The following PLCB1 variants were observed in gnomAD, a reference collection of about 807,000 sequenced individuals.
PLCB1 encodes the protein phospholipase C beta 1.
A neutral mutation model predicts 161.8 loss-of-function variants in PLCB1; 46 were observed. That is an observed-to-expected ratio of 0.28 (90% confidence interval 0.22 to 0.36). The LOEUF (loss-of-function observed/expected upper bound fraction) is 0.36. PLCB1 is among the 10% of genes least tolerant of loss of function. PLCB1 has a pLI of 1.00. For missense variants in PLCB1, 1,016 were observed against 1,472.5 expected, an observed-to-expected ratio of 0.69 and a Z score of 5.07; for synonymous variants, 517 against 503.7, an observed-to-expected ratio of 1.03 and a Z score of -0.35.
chr20:8,132,842 T>C lies in PLCB1; in HGVS notation c.99+92T>C. On this transcript the variant is annotated intron_variant, in intron 1 of 31. Transcript: ENST00000338037. This position sits in a 1 kb window ranked among gnomAD's most constrained non-coding sequence, Gnocchi z 5.2. ...GTGGGGCAAGGGGCGCGTTATGCAA[T>C]GGGCGCACTGGGAGCGGGCAGGGGC... 3.6e-6 allele frequency: 3 copies of C among 825,464 alleles called. No individual in the cohort carries two copies. Among genetic ancestry groups the C allele is most frequent in the Non-Finnish European group, 6.0e-6 (3 of 502,494 alleles). 51.1% of individuals were successfully genotyped at this position (825,464 alleles called of 1,614,324 possible).
chr20:8,858,113 G>C (rs1295186294), intron 31 of PLCB1, among the ~76,000 whole-genome samples: 1 of 151,884 alleles, frequency 6.6e-6, no homozygotes, highest in Non-Finnish European at 1.5e-5. Flanking sequence ...TTTATTGTTA[G>C]CTTTACTTGA....
intron 9 of PLCB1, among the ~76,000 whole-genome samples, chr20:8,680,958 G>T (rs567915777): frequency 6.7e-6 from 1 of 149,962 alleles, no homozygotes; most frequent in Non-Finnish European, 1.5e-5. Context: ...TTTGGTTTTT[G>T]GTTTATTTGC....
chr20:8,766,532 G>C (rs1467481489), intron 26 of PLCB1, among the ~76,000 whole-genome samples: 2 of 152,188 alleles, frequency 1.3e-5, no homozygotes. Context: ...AACCATGAGA[G>C]GAGTGAAACA....
chr20:8,431,105 T>A (rs987085382), intron 3 of PLCB1, among the ~76,000 whole-genome samples: 1 of 152,092 alleles, frequency 6.6e-6, no homozygotes, highest in Non-Finnish European at 1.5e-5. Flanking sequence ...TAGTATATTA[T>A]ACATTAACAA....
At chr20:8,526,584 C>T (rs888605290) in intron 3 of PLCB1, among the ~76,000 whole-genome samples, 4 of 152,102 alleles carry the variant, frequency 2.6e-5, no homozygotes, top group Admixed American at 6.6e-5. Flanking sequence ...AACATTCTTA[C>T]TGTCCTCCAA....
rs1006526296 is a variant in PLCB1, at chr20:8,882,077, A to T, written c.*228A>T. 2.2e-6 allele frequency: 1 copy of T among 445,754 alleles called. No homozygotes were observed. Among genetic ancestry groups the T allele is most frequent in the Admixed American group, 3.9e-5 (1 of 25,462 alleles). The allele number at this position is 445,754 out of a possible 1,614,324, so 27.6% of individuals were successfully genotyped here. On this transcript the variant is annotated 3_prime_UTR_variant, in exon 32 of 32. Transcript: ENST00000338037. The stretch of plus-strand genomic sequence containing the variant: ...TGCTAGTGAAGAATGCATGTATGTG[A>T]GATTTTTGTTTTCTTTCCAATAGCA...
chr20:8,453,893 T>G (rs1486569505), intron 3 of PLCB1, among the ~76,000 whole-genome samples: 3 of 152,152 alleles, frequency 2.0e-5, no homozygotes, highest in East Asian at 3.9e-4. Flanking sequence ...AAATAAGGCC[T>G]CTAAAGAAGT....
intron 31 of PLCB1, among the ~76,000 whole-genome samples, chr20:8,836,572 T>G (rs2146284995): frequency 7.3e-6 from 1 of 137,762 alleles, no homozygotes; most frequent in South Asian, 2.3e-4. Flanking sequence ...TCTGATTAGG[T>G]TTAACGATGC....
chr20:8,324,827 T>A (rs986888950), intron 2 of PLCB1, among the ~76,000 whole-genome samples: 1 of 152,248 alleles, frequency 6.6e-6, no homozygotes, highest in Admixed American at 6.5e-5. Flanking sequence ...CAAATCCTTG[T>A]CACAGCCACT....
intron 3 of PLCB1, among the ~76,000 whole-genome samples, chr20:8,566,013 T>TA (rs1425511554): frequency 6.6e-6 from 1 of 152,122 alleles, no homozygotes; most frequent in Non-Finnish European, 1.5e-5. Context: ...CATTATATAT[T>TA]AAAAAAATCA....
Position 8,716,756 on chromosome 20 carries a change from C to A in PLCB1, c.1335+408C>A, listed in dbSNP as rs149525833. On this transcript the variant is annotated intron_variant, in intron 13 of 31. Transcript: ENST00000338037. ...TCTTGGCCTGTCCCTGCTGGCTGTT[C>A]TCTATTTCCTTGGATGCACCTTTTG... Among the ~76,000 whole-genome samples, 59 of 152,346 alleles carry A rather than the reference C, an allele frequency of 3.9e-4. 2 individuals carry two copies. The highest frequency in any genetic ancestry group is 1.0e-3 in the African/African-American group (43 of 41,578).
intron 2 of PLCB1, among the ~76,000 whole-genome samples, chr20:8,181,871 G>A (rs889725623): frequency 1.3e-5 from 2 of 152,128 alleles, no homozygotes; most frequent in African/African-American, 2.4e-5. Context: ...TTGGGTTGGT[G>A]AGGCAGAGGA....
At chr20:8,194,253 A>C (rs1384122278) in intron 2 of PLCB1, among the ~76,000 whole-genome samples, 2 of 151,932 alleles carry the variant, frequency 1.3e-5, no homozygotes, top group Non-Finnish European at 2.9e-5. Context: ...TAAGCTTGTG[A>C]CTTTACTTCA....
intron 2 of PLCB1, among the ~76,000 whole-genome samples, chr20:8,291,471 A>G (rs1335115779): frequency 6.6e-6 from 1 of 152,230 alleles, no homozygotes; most frequent in Non-Finnish European, 1.5e-5. Flanking sequence ...GTGGAAGCCC[A>G]GGAGCAACTA....
At chr20:8,615,857 T>A (rs1988028033) in intron 3 of PLCB1, among the ~76,000 whole-genome samples, 1 of 152,266 alleles carries the variant, frequency 6.6e-6, no homozygotes, top group Non-Finnish European at 1.5e-5. Flanking sequence ...TACATTTATG[T>A]TCTCCTAGGA....
chr20:8,829,323 G>A (rs1229578844), intron 31 of PLCB1, among the ~76,000 whole-genome samples: 2 of 152,160 alleles, frequency 1.3e-5, no homozygotes, highest in Non-Finnish European at 2.9e-5. Context: ...ACAAATGCAA[G>A]TTCCCAGTTC....
intron 2 of PLCB1, among the ~76,000 whole-genome samples, chr20:8,347,983 A>AAG (rs1359974546): frequency 4.0e-4 from 61 of 152,288 alleles, no homozygotes; most frequent in African/African-American, 1.4e-3. Context: ...AAAAAAAGAA[A>AAG]AAAAAGAAAA....
intron 3 of PLCB1, among the ~76,000 whole-genome samples, chr20:8,443,512 T>A (rs952084881): frequency 6.6e-6 from 1 of 152,182 alleles, no homozygotes; most frequent in African/African-American, 2.4e-5. Flanking sequence ...AGGCTTAGTT[T>A]TCTGTTTGGT....
At chr20:8,724,461 C>G (rs1250281819) in intron 15 of PLCB1, among the ~76,000 whole-genome samples, 195 bp from the exon 16 acceptor site, 4 of 152,100 alleles carry the variant, frequency 2.6e-5, no homozygotes, top group African/African-American at 9.7e-5. Flanking sequence ...AACCTCCCAC[C>G]TCCCTTCCTC....
Sources: gnomAD v4.1 joint callset for allele counts (sites outside exome capture counted in the v4.1 genomes callset) on GRCh38, gnomAD v4.1.1 for gene constraint, Gnocchi (gnomAD v3.1) non-coding constraint, MANE v1.5 for transcripts, NCBI Gene and HGNC (gene_info 2026-07-23, HGNC 2026-07-21) for gene names.